CACNA1H: variants seen among roughly 807,000 people sequenced by gnomAD.
CACNA1H encodes the protein calcium voltage-gated channel subunit alpha1 H, also known as voltage-dependent T-type calcium channel subunit alpha-1H.
In CACNA1H, 149 loss-of-function variants were observed where a neutral mutation model predicts 192.5. The observed-to-expected ratio is 0.77, with a 90% confidence interval of 0.68 to 0.89. CACNA1H has a LOEUF of 0.89. Ranked by LOEUF, CACNA1H falls within the 40% of genes least tolerant of loss-of-function variation. The probability of loss-of-function intolerance (pLI) is 0.00; values close to 1 mark genes in which losing one functional copy is unlikely to be tolerated. For missense variants in CACNA1H, 4,257 were observed against 3,423.5 expected (o/e 1.24, Z -6.08); for synonymous variants, 2,202 against 1,475.2 (o/e 1.49, Z -11.29).
chr16:1,153,622 G>A, intron 1 of CACNA1H, 98 bp from the exon 2 acceptor site: 6 of 732,316 alleles, frequency 8.2e-6, no homozygotes, highest in Non-Finnish European at 1.1e-5. Flanking sequence ...AAAAGACAAA[G>A]ACATCCCGGC....
intron 26 of CACNA1H, 92 bp from the exon 27 acceptor site, chr16:1,213,688 C>A: frequency 9.9e-7 from 1 of 1,008,370 alleles, no homozygotes; most frequent in Non-Finnish European, 1.4e-6. Flanking sequence ...TTCTACCCTA[C>A]ACTTGGCCAC....
At chr16:1,199,593 A>G (rs1967528432) in intron 6 of CACNA1H, among the ~76,000 whole-genome samples, 1 of 142,034 alleles carries the variant, frequency 7.0e-6, no homozygotes, top group Non-Finnish European at 1.5e-5. Flanking sequence ...AGTCCGTCAC[A>G]CCTTACCCCA....
Position 1,215,550 on chromosome 16 carries a change from G to A in CACNA1H, c.5201G>A (p.Gly1734Asp), listed in dbSNP as rs924083201. ...RVLKLLKMAT[G>D]MRALLDTVVQ... Reference sequence around the variant, plus strand: ...CTGAAGCTGCTGAAGATGGCTACGGGCATGCGCGCCCTGCTGGACACTGTG... The same window carrying A: ...CTGAAGCTGCTGAAGATGGCTACGGACATGCGCGCCCTGCTGGACACTGTG... The change falls in exon 30 of 35, where the codon GGC becomes GAC. Residue 1734 changes from glycine to aspartate, a missense_variant. Transcript: ENST00000348261. The A allele has an allele frequency of 6.2e-7, 1 of 1,611,824 alleles. No homozygotes were observed. The highest frequency in any genetic ancestry group is 8.5e-7 in the Non-Finnish European group (1 of 1,179,550).
At chr16:1,179,730 CTTTT>C (rs758652517) in intron 2 of CACNA1H, among the ~76,000 whole-genome samples, 5 of 109,122 alleles carry the variant, frequency 4.6e-5, no homozygotes, top group East Asian at 2.6e-4. Flanking sequence ...CGCCCGGCCT[CTTTT>C]TTTTTTTTTT....
Position 1,209,057 on chromosome 16 carries a change from C to G in CACNA1H, c.3389C>G (p.Ala1130Gly). 6.5e-7 allele frequency: 1 copy of G among 1,530,036 alleles called. No homozygotes were observed. Among genetic ancestry groups the G allele is most frequent in the Non-Finnish European group, 8.7e-7 (1 of 1,144,384 alleles). The allele number at this position is 1,530,036 out of a possible 1,614,324, so 94.8% of individuals were successfully genotyped here. Residue 1130 changes from alanine (A) to glycine (G), a missense_variant, in exon 17 of 35, where the codon GCC becomes GGC. By Grantham distance (60) the Ala-to-Gly change is moderately conservative (BLOSUM62 0). Coordinates refer to ENST00000348261, the MANE Select transcript of CACNA1H (RefSeq NM_021098.3). ...GCCAGCCTCCGAAGTTCTCCCTGTG[C>G]CCCCTGGGGCCCCAGTGGCGCCTGG... ...PPASLRSSPC[A>G]PWGPSGAWSS...
chr16:1,164,262 G>A (rs74004822), intron 2 of CACNA1H, among the ~76,000 whole-genome samples: 15,217 of 152,230 alleles, frequency 0.1, 2,170 homozygotes, highest in African/African-American at 0.32. Context: ...GTCGTCAGTT[G>A]CAGGGGTGCA....
In CACNA1H at chr16:1,210,021, G is replaced by A. The variant is rs8056494; in HGVS notation, c.3745-14G>A. On this transcript the variant is annotated splice_polypyrimidine_tract_variant and intron_variant, in intron 17 of 34. Coordinates refer to ENST00000348261, the MANE Select transcript of CACNA1H (RefSeq NM_021098.3). ...CAGGCGCAGGCTCTGAGAAGCCGCCGCCTCATCCCACAGAGCTGCTGCCTC... is the reference window on the plus strand; with the variant it reads ...CAGGCGCAGGCTCTGAGAAGCCGCCACCTCATCCCACAGAGCTGCTGCCTC... 1.9e-4 allele frequency: 290 copies of A among 1,545,374 alleles called. 3 individuals are homozygous for A. The African/African-American group carries it at 3.8e-3, about 20-fold the overall frequency.
At chr16:1,202,535 CCATTGT>C in intron 9 of CACNA1H, 83 bp downstream of exon 9, 4 of 1,199,198 alleles carry the variant, frequency 3.3e-6, no homozygotes, top group South Asian at 1.6e-5. Context: ...ATTCCCACAC[CCATTGT>C]GGGCACTCTG....
intron 5 of CACNA1H, among the ~76,000 whole-genome samples, chr16:1,198,301 C>T (rs953264926): frequency 4.6e-5 from 7 of 152,178 alleles, no homozygotes; most frequent in Admixed American, 3.3e-4. Flanking sequence ...ACTCCTGCCC[C>T]TCCACACCCC....
intron 28 of CACNA1H, 42 bp from the exon 29 acceptor site, chr16:1,215,200 G>T (rs1161488457): frequency 2.5e-6 from 4 of 1,586,946 alleles, no homozygotes; most frequent in East Asian, 2.3e-5. Flanking sequence ...CTGAGCCGAG[G>T]CGGGGACCCC....
intron 6 of CACNA1H, among the ~76,000 whole-genome samples, chr16:1,199,186 C>T (rs1416861506): frequency 1.5e-5 from 1 of 64,704 alleles, no homozygotes; most frequent in Non-Finnish European, 3.2e-5. Context: ...CCCATCATGG[C>T]TCCACCCACC....
At position 1,212,495 on chromosome 16, in the gene CACNA1H, C is replaced by T. The variant is rs762530169; in HGVS notation, c.4760-16C>T. On this transcript the variant is annotated splice_polypyrimidine_tract_variant and intron_variant, in intron 25 of 34. Coordinates refer to ENST00000348261, the MANE Select transcript of CACNA1H (RefSeq NM_021098.3). The stretch of plus-strand genomic sequence containing the variant: ...GCCACGCCCTCGGCCCTCAGACCAT[C>T]TCCTTGTCTTTCCAGGCACTTTCCC... 41 of 1,610,452 alleles carry T rather than the reference C, an allele frequency of 2.5e-5. No homozygotes were observed. Among genetic ancestry groups the T allele is most frequent in the Admixed American group, 5.0e-5 (3 of 59,812 alleles).
intron 20 of CACNA1H, 24 bp from the exon 21 acceptor site, chr16:1,210,763 C>G: frequency 6.3e-7 from 1 of 1,598,168 alleles, no homozygotes; most frequent in South Asian, 1.1e-5. Context: ...TGAGCCTGAG[C>G]TCAGTGCCAT....
chr16:1,214,030 C>A (rs980883176), intron 27 of CACNA1H, 99 bp downstream of exon 27: 1 of 1,069,058 alleles, frequency 9.4e-7, no homozygotes, highest in Non-Finnish European at 1.4e-6. Context: ...TCCGCTGAGC[C>A]CTCGCTGGGG....
chr16:1,177,564 A>G (rs1202214477), intron 2 of CACNA1H, among the ~76,000 whole-genome samples: 1 of 151,860 alleles, frequency 6.6e-6, no homozygotes, highest in Admixed American at 6.5e-5. Flanking sequence ...GGTGGAAGGG[A>G]AGGGGCCCCC....
chr16:1,176,228 T>C lies in CACNA1H; in HGVS notation c.300-18744T>C, dbSNP rs527607124. On this transcript the variant is annotated intron_variant, in intron 2 of 34. Coordinates refer to ENST00000348261, the MANE Select transcript of CACNA1H (RefSeq NM_021098.3). ...AGAGATGTTTGTGCTGGAGCTGCCCTGACTGTCGGTTCTGAGCTTGGAGCT... is the reference window on the plus strand; with the variant it reads ...AGAGATGTTTGTGCTGGAGCTGCCCCGACTGTCGGTTCTGAGCTTGGAGCT... Among the ~76,000 whole-genome samples, 7 of 152,372 alleles carry C rather than the reference T, an allele frequency of 4.6e-5. No homozygotes were observed. In the South Asian group the frequency reaches 1.0e-3, roughly 23 times the overall value.
At chr16:1,186,387 T>G (rs1966061297) in intron 2 of CACNA1H, among the ~76,000 whole-genome samples, 1 of 152,020 alleles carries the variant, frequency 6.6e-6, no homozygotes, top group African/African-American at 2.4e-5. Flanking sequence ...ACGTTTCGCT[T>G]TCGTAATTGC....
chr16:1,165,140 G>A (rs1442478846), intron 2 of CACNA1H, among the ~76,000 whole-genome samples: 1 of 152,200 alleles, frequency 6.6e-6, no homozygotes, highest in Non-Finnish European at 1.5e-5. Context: ...CCCGGGAGTG[G>A]GTGGGGGTGC....
At position 1,202,250 on chromosome 16, in the gene CACNA1H, C is replaced by T. The variant is rs765135658; in HGVS notation, c.1800C>T (p.Ala600=). 2 of 1,568,022 alleles carry T rather than the reference C, an allele frequency of 1.3e-6. No homozygotes were observed. Among genetic ancestry groups the T allele is most frequent in the Non-Finnish European group, 1.7e-6 (2 of 1,158,636 alleles). Residue 600 remains alanine, a synonymous_variant, in exon 9 of 35, where the codon GCC becomes GCT. Transcript: ENST00000348261. ...CACATGCCGCAGCCACTGCCGCTGC[C>T]AGCCTCAGACTGGCCACAGGGCTGG... ...RVAHAAATAA[A]SLRLATGLGT...
Sources: gnomAD v4.1 joint callset for allele counts (sites outside exome capture counted in the v4.1 genomes callset) on GRCh38, gnomAD v4.1.1 for gene constraint, MANE v1.5 for transcripts, NCBI Gene and HGNC (gene_info 2026-07-23, HGNC 2026-07-21) for gene names.